CERS6: variants seen among roughly 807,000 people sequenced by gnomAD.
CERS6 encodes ceramide synthase 6.
CERS6 carries 26 observed loss-of-function variants against 56.8 expected under a neutral mutation model. That is an observed-to-expected ratio of 0.46 (90% CI 0.34 to 0.63). The LOEUF is 0.63. Among genes scored for constraint, CERS6 ranks in the 30% least tolerant of loss-of-function variants. The pLI, the probability that CERS6 is intolerant of heterozygous loss-of-function variation, is 0.01. For synonymous variants in CERS6, 164 were observed against 173.3 expected, an observed-to-expected ratio of 0.95 and a Z score of 0.42; for missense variants, 415 against 467.5, an observed-to-expected ratio of 0.89 and a Z score of 1.04.
chr2:168,532,581 G>C (rs13393173), intron 1 of CERS6, among the ~76,000 whole-genome samples: 1 of 151,678 alleles, frequency 6.6e-6, no homozygotes, highest in Admixed American at 6.6e-5. Flanking sequence ...GAAGAGCCCC[G>C]TGGAGTTAGC....
chr2:168,578,684 CT>C (rs1683336927), intron 3 of CERS6, among the ~76,000 whole-genome samples: 1 of 152,042 alleles, frequency 6.6e-6, no homozygotes, highest in South Asian at 2.1e-4. Flanking sequence ...TCTCTTTATA[CT>C]TTGCATATTA....
intron 1 of CERS6, among the ~76,000 whole-genome samples, chr2:168,540,963 G>T (rs1395395383): frequency 6.6e-6 from 1 of 152,132 alleles, no homozygotes; most frequent in Non-Finnish European, 1.5e-5. Context: ...TAAAGAACAT[G>T]TTTATTTAGC....
chr2:168,586,549 G>C (rs984281155), intron 3 of CERS6, among the ~76,000 whole-genome samples: 9 of 152,120 alleles, frequency 5.9e-5, no homozygotes, highest in African/African-American at 2.2e-4. Flanking sequence ...AGCAAAGACT[G>C]TGTTTATTGG....
chr2:168,683,635 A>G (rs1686272507), intron 4 of CERS6, among the ~76,000 whole-genome samples: 1 of 151,440 alleles, frequency 6.6e-6, no homozygotes, highest in South Asian at 2.1e-4. Flanking sequence ...AGGTCTTTCT[A>G]CCTCTTTGTC....
chr2:168,598,561 T>C (rs1208215654), intron 3 of CERS6, among the ~76,000 whole-genome samples: 1 of 152,128 alleles, frequency 6.6e-6, no homozygotes, highest in African/African-American at 2.4e-5. Context: ...ATGGTACTCG[T>C]AAACCCTAAA....
chr2:168,746,820 T>A (rs866920962), intron 8 of CERS6, among the ~76,000 whole-genome samples: 90 of 80,010 alleles, frequency 1.1e-3, no homozygotes, highest in African/African-American at 3.4e-3. Flanking sequence ...TATATATATA[T>A]AAAATCATCT....
chr2:168,695,645 T>C (rs1686627466), intron 6 of CERS6, among the ~76,000 whole-genome samples: 1 of 152,200 alleles, frequency 6.6e-6, no homozygotes, highest in African/African-American at 2.4e-5. Flanking sequence ...TGTGACACCA[T>C]ATTTGGATTA....
chr2:168,740,298 A>T (rs1488013806), intron 8 of CERS6, among the ~76,000 whole-genome samples: 1 of 152,236 alleles, frequency 6.6e-6, no homozygotes, highest in Non-Finnish European at 1.5e-5. Flanking sequence ...CTTTTTCTAT[A>T]TAAATACATG....
chr2:168,726,232 A>T (rs373269228), intron 8 of CERS6, among the ~76,000 whole-genome samples: 1 of 152,164 alleles, frequency 6.6e-6, no homozygotes, highest in Non-Finnish European at 1.5e-5. Flanking sequence ...AAGGAGATTC[A>T]ATTAGTCAGT....
At chr2:168,748,778 A>G (rs1447742463) in intron 8 of CERS6, among the ~76,000 whole-genome samples, 2 of 131,842 alleles carry the variant, frequency 1.5e-5, no homozygotes, top group Non-Finnish European at 3.1e-5. Context: ...CGGCACATCT[A>G]TTTGTCTTTT....
intron 1 of CERS6, among the ~76,000 whole-genome samples, chr2:168,475,093 C>T (rs544502766): frequency 6.6e-6 from 1 of 152,188 alleles, no homozygotes; most frequent in African/African-American, 2.4e-5. Flanking sequence ...CCTGTCCCAC[C>T]CTACCTTTTA....
intron 3 of CERS6, among the ~76,000 whole-genome samples, chr2:168,605,783 G>A (rs1684038277): frequency 6.6e-6 from 1 of 152,238 alleles, no homozygotes; most frequent in South Asian, 2.1e-4. Context: ...TCCTCTTGGT[G>A]TTAAGCCTGC....
At chr2:168,657,478 G>T (rs972721532) in intron 4 of CERS6, among the ~76,000 whole-genome samples, 1 of 152,248 alleles carries the variant, frequency 6.6e-6, no homozygotes, top group Non-Finnish European at 1.5e-5. Flanking sequence ...ACTGGGCGCC[G>T]TGGAGCAGGG....
Position 168,772,381 on chromosome 2 carries a change from G to T in CERS6, c.*2719G>T, listed in dbSNP as rs1452787809. 6.6e-6 allele frequency: 1 copy of T among 152,492 alleles called. No individual in the cohort carries two copies. Among genetic ancestry groups the T allele is most frequent in the Non-Finnish European group, 1.5e-5 (1 of 68,024 alleles). The allele number at this position is 152,492 out of a possible 1,614,324, so 9.4% of individuals were successfully genotyped here. Reference sequence around the variant, plus strand: ...AAAATCGAGTAGAATTTGGCCTCAGGTCAATAAATGATATAAAAACATGTG... The same window carrying T: ...AAAATCGAGTAGAATTTGGCCTCAGTTCAATAAATGATATAAAAACATGTG... On this transcript the variant is annotated 3_prime_UTR_variant, in exon 10 of 10. Transcript: ENST00000305747.
chr2:168,756,023 CA>C (rs1684407547), intron 8 of CERS6, among the ~76,000 whole-genome samples: 1 of 152,190 alleles, frequency 6.6e-6, no homozygotes, highest in African/African-American at 2.4e-5. Flanking sequence ...CAGCATTCCC[CA>C]CTTGGGCCCA....
intron 8 of CERS6, among the ~76,000 whole-genome samples, chr2:168,719,396 T>C (rs964244889): frequency 2.0e-5 from 3 of 152,192 alleles, no homozygotes; most frequent in Admixed American, 1.3e-4. Flanking sequence ...AGCAGATATA[T>C]TTGTGTGTGT....
At chr2:168,630,127 T>C (rs1249972359) in intron 3 of CERS6, among the ~76,000 whole-genome samples, 2 of 152,066 alleles carry the variant, frequency 1.3e-5, no homozygotes, top group Non-Finnish European at 2.9e-5. Context: ...TTAACTATTA[T>C]ACTACAATAA....
Position 168,456,455 on chromosome 2 carries a change from G to A in CERS6, c.7G>A (p.Gly3Arg), listed in dbSNP as rs2105311943. ...CAGGAGTGGACAAAGCAAGATGGCA[G>A]GGATCTTAGCCTGGTTCTGGAACGA... MA[G>R]ILAWFWNERF... The change falls in exon 1 of 10, where the codon GGG becomes AGG. Residue 3 changes from glycine (G) to arginine (R), a missense_variant. Physicochemically the swap from Gly to Arg is moderately radical, Grantham distance 125. Coordinates refer to ENST00000305747, the MANE Select transcript of CERS6 (RefSeq NM_203463.3). This position sits in a 1 kb window ranked among gnomAD's most constrained non-coding sequence, Gnocchi z 4.1. 1.9e-6 allele frequency: 3 copies of A among 1,613,176 alleles called. No homozygotes were observed. The highest frequency in any genetic ancestry group is 2.5e-6 in the Non-Finnish European group (3 of 1,179,456).
At chr2:168,753,925 C>T (rs1237734194) in intron 8 of CERS6, among the ~76,000 whole-genome samples, 1 of 152,146 alleles carries the variant, frequency 6.6e-6, no homozygotes, top group Non-Finnish European at 1.5e-5. Flanking sequence ...TCCTTCCTGC[C>T]GCCCACGCCA....
Sources: allele counts gnomAD v4.1 joint callset (sites outside exome capture counted in the v4.1 genomes callset), GRCh38; gene constraint gnomAD v4.1.1; non-coding constraint Gnocchi (gnomAD v3.1); transcripts MANE v1.5; gene names NCBI Gene and HGNC (gene_info 2026-07-23, HGNC 2026-07-21).